CPA6: variants seen among roughly 807,000 people sequenced by gnomAD.
The protein encoded by CPA6 is carboxypeptidase A6, also known as carboxypeptidase B.
CPA6 carries 58 observed loss-of-function variants against 63.3 expected under a neutral mutation model. The observed-to-expected ratio is 0.92, with a 90% CI of 0.74 to 1.14. The LOEUF is 1.14. Ranked by LOEUF, CPA6 falls within the 50% of genes most tolerant of loss-of-function variation. The probability of loss-of-function intolerance (pLI) is 0.00; values close to 1 mark genes in which losing one functional copy is unlikely to be tolerated. For missense variants in CPA6, 565 were observed against 526.6 expected (o/e 1.07, Z -0.71); for synonymous variants, 185 against 179.0 (o/e 1.03, Z -0.27).
chr8:67,605,199 A>T (rs1023886059), intron 2 of CPA6, among the ~76,000 whole-genome samples: 1 of 151,694 alleles, frequency 6.6e-6, no homozygotes, highest in African/African-American at 2.4e-5. Flanking sequence ...TGTGTGATTC[A>T]TCCAATGCCC....
intron 8 of CPA6, among the ~76,000 whole-genome samples, chr8:67,470,560 T>A (rs777893978): frequency 1.4e-4 from 21 of 152,322 alleles, no homozygotes; most frequent in Non-Finnish European, 2.6e-4. Context: ...GCTTTTTAAA[T>A]TTCTTTAACC....
chr8:67,704,961 T>C (rs952018515), intron 1 of CPA6, among the ~76,000 whole-genome samples: 8 of 152,132 alleles, frequency 5.3e-5, no homozygotes, highest in African/African-American at 1.9e-4. Flanking sequence ...AGTTAGCCTC[T>C]TCAGTATTTT....
chr8:67,544,814 A>G (rs147267398), intron 2 of CPA6, among the ~76,000 whole-genome samples: 1 of 152,262 alleles, frequency 6.6e-6, no homozygotes, highest in Non-Finnish European at 1.5e-5. Context: ...ATGCAAGCAG[A>G]GCTTACTGCG....
chr8:67,700,998 TA>T (rs1817012373), intron 1 of CPA6, among the ~76,000 whole-genome samples: 1 of 152,180 alleles, frequency 6.6e-6, no homozygotes, highest in African/African-American at 2.4e-5. Flanking sequence ...ATTATAGACA[TA>T]ATCATATACA....
intron 2 of CPA6, among the ~76,000 whole-genome samples, chr8:67,524,938 A>G (rs1334463573): frequency 6.6e-6 from 1 of 152,148 alleles, no homozygotes; most frequent in Admixed American, 6.5e-5. Flanking sequence ...TTTAGGTATA[A>G]TCCTAGACTA....
intron 8 of CPA6, among the ~76,000 whole-genome samples, chr8:67,475,615 A>G (rs1037618336): frequency 1.3e-5 from 2 of 152,202 alleles, no homozygotes; most frequent in African/African-American, 4.8e-5. Flanking sequence ...GCAGGGGATC[A>G]GTATTTGGGT....
At chr8:67,727,741 T>G (rs1237220044) in intron 1 of CPA6, among the ~76,000 whole-genome samples, 1 of 152,184 alleles carries the variant, frequency 6.6e-6, no homozygotes, top group Non-Finnish European at 1.5e-5. Flanking sequence ...CTAGGACTTG[T>G]CCACAAACTA....
At chr8:67,690,926 C>G (rs953738942) in intron 1 of CPA6, among the ~76,000 whole-genome samples, 5 of 152,152 alleles carry the variant, frequency 3.3e-5, no homozygotes, top group African/African-American at 1.2e-4. Context: ...ACAAATTCAT[C>G]TACACTAAGT....
intron 6 of CPA6, among the ~76,000 whole-genome samples, chr8:67,492,447 G>A (rs1386968628): frequency 6.6e-6 from 1 of 151,900 alleles, no homozygotes; most frequent in African/African-American, 2.4e-5. Flanking sequence ...AGAAGATAAT[G>A]AGCACAATCC....
At chr8:67,498,275 T>A (rs960168943) in intron 6 of CPA6, among the ~76,000 whole-genome samples, 2 of 151,946 alleles carry the variant, frequency 1.3e-5, no homozygotes, top group African/African-American at 4.8e-5. Context: ...GTGGCTCACA[T>A]CTGTAATCCC....
chr8:67,574,128 A>T (rs1199957285), intron 2 of CPA6, among the ~76,000 whole-genome samples: 4 of 151,996 alleles, frequency 2.6e-5, no homozygotes, highest in Non-Finnish European at 4.4e-5. Flanking sequence ...CTGTGATCTC[A>T]GCATTTTGGG....
chr8:67,675,866 C>T (rs530141759), intron 1 of CPA6, among the ~76,000 whole-genome samples: 2 of 152,304 alleles, frequency 1.3e-5, no homozygotes, highest in South Asian at 4.1e-4. Flanking sequence ...GATGGAGTCT[C>T]ACTACATTGC....
chr8:67,473,305 A>G (rs1304607182), intron 8 of CPA6, among the ~76,000 whole-genome samples: 1 of 152,244 alleles, frequency 6.6e-6, no homozygotes, highest in African/African-American at 2.4e-5. Flanking sequence ...TATATTCCCC[A>G]GTTGAGTAGT....
intron 8 of CPA6, among the ~76,000 whole-genome samples, chr8:67,474,881 T>C (rs1458653803): frequency 1.3e-5 from 2 of 152,112 alleles, no homozygotes. Flanking sequence ...CTCAGAAGGC[T>C]GAGGTGGAAG....
At chr8:67,733,519 T>C (rs1485670645) in intron 1 of CPA6, among the ~76,000 whole-genome samples, 1 of 152,176 alleles carries the variant, frequency 6.6e-6, no homozygotes, top group East Asian at 1.9e-4. Context: ...ATCACCTTTC[T>C]ACATTTTATC....
At chr8:67,517,853 C>A in intron 3 of CPA6, 70 bp downstream of exon 3, 1 of 1,435,226 alleles carries the variant, frequency 7.0e-7, no homozygotes, top group Non-Finnish European at 9.3e-7. Context: ...GATAAATAAC[C>A]TAAATACAAC....
intron 1 of CPA6, among the ~76,000 whole-genome samples, chr8:67,692,631 G>A (rs16933522): frequency 0.093 from 14,191 of 152,080 alleles, 1,237 homozygotes; most frequent in African/African-American, 0.23. Flanking sequence ...TATTTCAAAA[G>A]TGTGCAGGAT....
intron 8 of CPA6, among the ~76,000 whole-genome samples, chr8:67,453,761 G>A (rs1810609293): frequency 6.6e-6 from 1 of 152,176 alleles, no homozygotes. Flanking sequence ...AACTGCATTT[G>A]TCAAAAACTT....
chr8:67,677,228 T>G (rs1372815934), intron 1 of CPA6, among the ~76,000 whole-genome samples: 1 of 152,184 alleles, frequency 6.6e-6, no homozygotes, highest in Non-Finnish European at 1.5e-5. Context: ...TGGAAAGAGA[T>G]GAAGACTTCC....
Sources: allele counts gnomAD v4.1 joint callset (sites outside exome capture counted in the v4.1 genomes callset), GRCh38; gene constraint gnomAD v4.1.1; transcripts MANE v1.5; gene names NCBI Gene and HGNC (gene_info 2026-07-23, HGNC 2026-07-21).